FAM133A: variants seen among roughly 807,000 people sequenced by gnomAD.
The protein encoded by FAM133A is protein FAM133A.
For synonymous variants in FAM133A, 65 were observed against 58.6 expected (o/e 1.11, Z -0.50); for missense variants, 159 against 164.4 (o/e 0.97, Z 0.18).
chrX:93,686,887 T>TA (rs1453345454), intron 2 of FAM133A, among the ~76,000 whole-genome samples: 1 of 112,426 alleles, frequency 8.9e-6, no homozygotes, highest in Admixed American at 9.4e-5. Flanking sequence ...TAGACTCATT[T>TA]ATCAGACATT....
chrX:93,696,338 T>C (rs1198244700), intron 2 of FAM133A, among the ~76,000 whole-genome samples: 4 of 111,264 alleles, frequency 3.6e-5, no homozygotes, highest in Non-Finnish European at 5.7e-5. Context: ...AACAGGTAAG[T>C]GTCGATGCCA....
chrX:93,683,139 GAC>G (rs1298870376), intron 2 of FAM133A, among the ~76,000 whole-genome samples: 1 of 111,619 alleles, frequency 9.0e-6, no homozygotes, highest in Non-Finnish European at 1.9e-5. Flanking sequence ...TAGTTAGGAG[GAC>G]ACACAGAGTC....
chrX:93,689,569 A>G (rs2147612832), intron 2 of FAM133A, among the ~76,000 whole-genome samples: 1 of 111,434 alleles, frequency 9.0e-6, no homozygotes, highest in Non-Finnish European at 1.9e-5. Flanking sequence ...ATATGCATTA[A>G]AATATCTGGA....
rs199711405 is a variant in FAM133A, at chrX:93,709,856, C to T, written c.437C>T (p.Thr146Met). ...NRSYKSSQSS[T>M]HESESESKES... is the part of the protein sequence containing the mutation. Reference sequence around the variant, plus strand: ...TCATACAAATCATCCCAAAGCTCTACGCATGAATCAGAATCAGAGAGCAAG... The same window carrying T: ...TCATACAAATCATCCCAAAGCTCTATGCATGAATCAGAATCAGAGAGCAAG... Residue 146 changes from threonine (T) to methionine (M), a missense_variant, in exon 4 of 4, where the codon ACG (threonine) becomes ATG (methionine). Coordinates refer to ENST00000683942, the MANE Select transcript of FAM133A (RefSeq NM_001171109.2). The T allele has an allele frequency of 1.0e-5, 12 of 1,200,203 alleles. No individual in the cohort carries two copies. In the East Asian group the frequency reaches 1.2e-4, roughly 12 times the overall value.
At chrX:93,680,362 T>C (rs1925048609) in intron 2 of FAM133A, among the ~76,000 whole-genome samples, 1 of 111,759 alleles carries the variant, frequency 8.9e-6, no homozygotes, top group African/African-American at 3.3e-5. Context: ...CACTTAGGTT[T>C]ATTCCATATC....
intron 2 of FAM133A, among the ~76,000 whole-genome samples, chrX:93,697,831 G>A (rs904944132): frequency 4.5e-5 from 5 of 111,643 alleles, no homozygotes; most frequent in African/African-American, 1.3e-4. Flanking sequence ...ATCAGTTTTT[G>A]TTGGCAATCA....
In FAM133A at chrX:93,711,015, T is replaced by A. The variant is rs1927415610; in HGVS notation, c.*849T>A. 8.1e-6 allele frequency: 1 copy of A among 123,145 alleles called. No individual in the cohort carries two copies. Among genetic ancestry groups the A allele is most frequent in the Admixed American group, 9.6e-5 (1 of 10,454 alleles). 10.1% of individuals were successfully genotyped at this position (123,145 alleles called of 1,213,427 possible). ...GAAATTTTTTTTGCATGTTTTATACTGTTAAGTTTTAATTATCTGACCATA... is the reference window on the plus strand; with the variant it reads ...GAAATTTTTTTTGCATGTTTTATACAGTTAAGTTTTAATTATCTGACCATA... On this transcript the variant is annotated 3_prime_UTR_variant, in exon 4 of 4. Coordinates refer to ENST00000683942, the MANE Select transcript of FAM133A (RefSeq NM_001171109.2).
At chrX:93,680,411 A>G (rs1213798631) in intron 2 of FAM133A, among the ~76,000 whole-genome samples, 1 of 111,744 alleles carries the variant, frequency 8.9e-6, no homozygotes, top group East Asian at 2.8e-4. Context: ...AAATGGGAGT[A>G]CAGATATCTC....
rs1926463086 is a variant in FAM133A, at chrX:93,698,492, G to T, written c.-104+7G>T. On this transcript the variant is annotated splice_region_variant and intron_variant, in intron 3 of 3. Transcript: ENST00000683942. The stretch of plus-strand genomic sequence containing the variant: ...ATCCTGCAAGCCAATTGAGGTAAGT[G>T]TTTCAAGGAAGAGGGAGTGATCCAC... The T allele has an allele frequency of 8.9e-6, 1 of 111,841 alleles. No homozygotes were observed. The highest frequency in any genetic ancestry group is 3.2e-5 in the African/African-American group (1 of 30,776). The allele number at this position is 111,841 out of a possible 1,213,427, so 9.2% of individuals were successfully genotyped here.
Position 93,681,015 on chromosome X carries a change from A to T in FAM133A, c.-193+6263A>T, listed in dbSNP as rs2147588188. ...ATGTACAAACAGCGTACATTTTTCAAAAATGTAAAACCACATCACGGAAGA... is the reference window on the plus strand; with the variant it reads ...ATGTACAAACAGCGTACATTTTTCATAAATGTAAAACCACATCACGGAAGA... On this transcript the variant is annotated intron_variant, in intron 2 of 3. Transcript: ENST00000683942. 2.7e-5 allele frequency among the ~76,000 whole-genome samples: 3 copies of T among 111,403 alleles called. No homozygotes were observed. The South Asian group carries it at 1.1e-3, about 42-fold the overall frequency.
intron 3 of FAM133A, among the ~76,000 whole-genome samples, chrX:93,703,687 C>G (rs886595635): frequency 8.9e-6 from 1 of 111,996 alleles, no homozygotes; most frequent in Non-Finnish European, 1.9e-5. Flanking sequence ...GAGTGAAGTG[C>G]TCATTTCTTT....
chrX:93,685,526 G>A (rs931455768), intron 2 of FAM133A, among the ~76,000 whole-genome samples: 3 of 111,721 alleles, frequency 2.7e-5, no homozygotes, highest in African/African-American at 9.8e-5. Flanking sequence ...AAGAGATTCT[G>A]TTTAATTCAG....
intron 2 of FAM133A, among the ~76,000 whole-genome samples, chrX:93,685,959 A>T (rs1424501262): frequency 1.8e-5 from 2 of 109,261 alleles, no homozygotes; most frequent in Non-Finnish European, 3.8e-5. Context: ...AAATACAAAA[A>T]TTAGCTGGGC....
At chrX:93,681,376 A>T (rs1225287935) in intron 2 of FAM133A, among the ~76,000 whole-genome samples, 1 of 111,055 alleles carries the variant, frequency 9.0e-6, no homozygotes, top group African/African-American at 3.3e-5. Flanking sequence ...GCCCAAAGTG[A>T]CATTTTCTGC....
chrX:93,695,044 A>G (rs1926133378), intron 2 of FAM133A, among the ~76,000 whole-genome samples: 1 of 111,463 alleles, frequency 9.0e-6, no homozygotes, highest in Non-Finnish European at 1.9e-5. Flanking sequence ...CTGCAGAATA[A>G]TAGTGTCTAA....
At chrX:93,674,337 A>G (rs766042367) in intron 1 of FAM133A, 63 bp downstream of exon 1, 1 of 111,828 alleles carries the variant, frequency 8.9e-6, no homozygotes, top group African/African-American at 3.2e-5. Context: ...ATATACCCCA[A>G]CCTTGCTGCT....
chrX:93,696,326 C>T (rs1644673583), intron 2 of FAM133A, among the ~76,000 whole-genome samples: 1 of 111,283 alleles, frequency 9.0e-6, no homozygotes, highest in South Asian at 3.8e-4. Flanking sequence ...ATAGCAGAAG[C>T]AAACAGGTAA....
chrX:93,709,691 G>C lies in FAM133A; in HGVS notation c.272G>C (p.Arg91Thr), dbSNP rs1569355689. Reference sequence around the variant, plus strand: ...GGAAATGAGAGCTCATCTAAAAAAAGAGAAAGAAAGAAAAAGAGAAAGAAG... The same window carrying C: ...GGAAATGAGAGCTCATCTAAAAAAACAGAAAGAAAGAAAAAGAGAAAGAAG... Reference protein sequence around the residue: ...LSGNESSSKKRERKKKRKKKS... With the variant: ...LSGNESSSKKTERKKKRKKKS... Residue 91 changes from arginine to threonine, a missense_variant, in exon 4 of 4, where the codon AGA becomes ACA. By Grantham distance (71) the Arg-to-Thr change is moderately conservative (BLOSUM62 -1). Transcript: ENST00000683942. 1 of 1,195,113 alleles carries C rather than the reference G, an allele frequency of 8.4e-7. No individual in the cohort carries two copies. Among genetic ancestry groups the C allele is most frequent in the Admixed American group, 2.3e-5 (1 of 43,013 alleles).
intron 2 of FAM133A, among the ~76,000 whole-genome samples, chrX:93,680,162 T>C (rs1252938112): frequency 2.7e-5 from 3 of 109,459 alleles, no homozygotes; most frequent in Non-Finnish European, 3.8e-5. Flanking sequence ...TTTCTATGAA[T>C]GTGACATTTT....
Sources: gnomAD v4.1 joint callset for allele counts (sites outside exome capture counted in the v4.1 genomes callset) on GRCh38, gnomAD v4.1.1 for gene constraint, MANE v1.5 for transcripts, NCBI Gene and HGNC (gene_info 2026-07-23, HGNC 2026-07-21) for gene names.